The following ADGRG2 variants were observed in gnomAD, a reference collection of about 807,000 sequenced individuals.
ADGRG2 encodes adhesion G protein-coupled receptor G2.
In ADGRG2, 26 loss-of-function variants were observed where a neutral mutation model predicts 74.1. The observed-to-expected ratio is 0.35, with a 90% CI of 0.26 to 0.49. ADGRG2 has a LOEUF of 0.49. Ranked by LOEUF, ADGRG2 falls within the 20% of genes least tolerant of loss-of-function variation. ADGRG2 has a pLI of 0.99. For synonymous variants in ADGRG2, 296 were observed against 295.2 expected (o/e 1.00, Z -0.03); for missense variants, 619 against 763.1 (o/e 0.81, Z 2.22).
chrX:19,099,004 G>A (rs990894246), intron 1 of ADGRG2, among the ~76,000 whole-genome samples: 2 of 111,790 alleles, frequency 1.8e-5, no homozygotes, highest in African/African-American at 6.5e-5. Flanking sequence ...GGCTAACATG[G>A]TGAAACCCCA....
At chrX:19,061,091 C>T (rs1233608983) in intron 3 of ADGRG2, among the ~76,000 whole-genome samples, 1 of 111,754 alleles carries the variant, frequency 8.9e-6, no homozygotes, top group Non-Finnish European at 1.9e-5. Context: ...GCTCCTTCCT[C>T]ATATGGAGGA....
At chrX:19,106,146 A>G (rs996131169) in intron 1 of ADGRG2, among the ~76,000 whole-genome samples, 5 of 109,528 alleles carry the variant, frequency 4.6e-5, no homozygotes, top group African/African-American at 1.3e-4. Flanking sequence ...GAGCCAGTGT[A>G]GAACACCGGT....
intron 15 of ADGRG2, among the ~76,000 whole-genome samples, chrX:19,016,191 A>G (rs1294433894): frequency 8.9e-6 from 1 of 112,571 alleles, no homozygotes; most frequent in Non-Finnish European, 1.9e-5. Flanking sequence ...TAGCCTGCAT[A>G]AAGTGTACTA....
upstream of ADGRG2, chrX:19,122,700 G>A (rs2062632001): frequency 9.1e-6 from 1 of 110,184 alleles, no homozygotes; most frequent in Non-Finnish European, 1.9e-5. Flanking sequence ...GCCGGCCGAA[G>A]CCGGGCTGGG....
At chrX:19,122,181 T>TCTCCCCTTGGAGCCC (rs1569159695) in intron 1 of ADGRG2, among the ~76,000 whole-genome samples, 12 of 112,437 alleles carry the variant, frequency 1.1e-4, no homozygotes, top group African/African-American at 3.9e-4. Flanking sequence ...CCTTGGAGCC[T>TCTCCCCTTGGAGCCC]CCTTTCCCAC....
chrX:19,114,555 G>A (rs2062477695), intron 1 of ADGRG2, among the ~76,000 whole-genome samples: 1 of 110,871 alleles, frequency 9.0e-6, no homozygotes, highest in Admixed American at 9.6e-5. Flanking sequence ...TGCTTGGGCC[G>A]GATCACTGTT....
intron 2 of ADGRG2, among the ~76,000 whole-genome samples, chrX:19,069,222 A>G (rs2061613177): frequency 8.9e-6 from 1 of 112,003 alleles, no homozygotes; most frequent in African/African-American, 3.2e-5. Flanking sequence ...TTAAAGAGAT[A>G]GGGTCTCGCT....
intron 16 of ADGRG2, among the ~76,000 whole-genome samples, chrX:19,011,736 TCGG>T: frequency 9.0e-6 from 1 of 111,669 alleles, no homozygotes; most frequent in Non-Finnish European, 1.9e-5. Context: ...TCCCAGTTAC[TCGG>T]GAGGCTGAGG....
intron 1 of ADGRG2, among the ~76,000 whole-genome samples, chrX:19,088,912 G>A (rs1438683649): frequency 8.9e-6 from 1 of 111,935 alleles, no homozygotes; most frequent in Non-Finnish European, 1.9e-5. Flanking sequence ...GTAAGCCTTT[G>A]TTGTATATTG....
intron 1 of ADGRG2, among the ~76,000 whole-genome samples, chrX:19,101,276 T>G (rs996404418): frequency 1.8e-5 from 2 of 111,190 alleles, no homozygotes; most frequent in African/African-American, 6.5e-5. Flanking sequence ...ACAAAAATAG[T>G]ATTAAATGAG....
At chrX:19,064,857 TA>T (rs1462418205) in intron 3 of ADGRG2, among the ~76,000 whole-genome samples, 1 of 111,719 alleles carries the variant, frequency 9.0e-6, no homozygotes, top group Non-Finnish European at 1.9e-5. Context: ...TCCTCACCTG[TA>T]AAATAAGCTG....
intron 1 of ADGRG2, among the ~76,000 whole-genome samples, chrX:19,111,099 G>A (rs1023628117): frequency 9.0e-6 from 1 of 111,662 alleles, no homozygotes; most frequent in African/African-American, 3.3e-5. Flanking sequence ...TGGATGTGGG[G>A]CATGAAACTA....
chrX:19,022,417 A>T (rs1165112504), intron 13 of ADGRG2, among the ~76,000 whole-genome samples: 1 of 111,990 alleles, frequency 8.9e-6, no homozygotes, highest in African/African-American at 3.2e-5. Context: ...AAATGAACTA[A>T]ATACGTACAG....
intron 2 of ADGRG2, among the ~76,000 whole-genome samples, chrX:19,080,162 G>C (rs2061822406): frequency 9.1e-6 from 1 of 109,416 alleles, no homozygotes. Context: ...CACCCGCCTC[G>C]GCCTCCCAAA....
intron 3 of ADGRG2, among the ~76,000 whole-genome samples, chrX:19,053,942 A>G (rs1362918465): frequency 9.0e-6 from 1 of 111,362 alleles, no homozygotes; most frequent in Non-Finnish European, 1.9e-5. Flanking sequence ...CATGAAACTT[A>G]TTTGCTACCA....
rs759929505 is a variant in ADGRG2 at position 19,018,926 on chromosome X, T to C, written c.710+673A>G. Among the ~76,000 whole-genome samples the C allele has an allele frequency of 8.0e-5, 9 of 111,811 alleles. No individual in the cohort carries two copies. In the East Asian group the frequency reaches 2.5e-3, roughly 31 times the overall value. ...GGCGCAACCTCGGCTCACTGCAAGC[T>C]CCGCCTCCCAGGTTCATGCCATTCT... On this transcript the variant is annotated intron_variant, in intron 15 of 28. Transcript: ENST00000379869.
chrX:19,060,237 C>T (rs1033318120), intron 3 of ADGRG2, among the ~76,000 whole-genome samples: 2 of 112,772 alleles, frequency 1.8e-5, no homozygotes, highest in Non-Finnish European at 3.7e-5. Context: ...ATTTGCCAGT[C>T]GGCAAGAGCC....
intron 1 of ADGRG2, among the ~76,000 whole-genome samples, chrX:19,117,596 C>G (rs1303780534): frequency 1.8e-5 from 2 of 110,663 alleles, no homozygotes; most frequent in Admixed American, 9.7e-5. Context: ...CCGGGTAGAT[C>G]ACTTGAGGTC....
intron 2 of ADGRG2, among the ~76,000 whole-genome samples, chrX:19,072,412 A>T (rs1294730920): frequency 1.8e-5 from 2 of 111,717 alleles, no homozygotes; most frequent in African/African-American, 6.5e-5. Context: ...CATCAGGTGA[A>T]AGACATCAAG....
Sources: allele counts gnomAD v4.1 joint callset (sites outside exome capture counted in the v4.1 genomes callset), GRCh38; gene constraint gnomAD v4.1.1; transcripts MANE v1.5; gene names NCBI Gene and HGNC (gene_info 2026-07-23, HGNC 2026-07-21).